The following ADGRB1 variants were observed in gnomAD, a reference collection of about 807,000 sequenced individuals.
ADGRB1 encodes brain-specific angiogenesis inhibitor 1.
Under a neutral mutation model 175.7 loss-of-function variants are expected in ADGRB1, and 36 were observed. The ratio of observed to expected loss-of-function variants is 0.20; its 90% confidence interval spans 0.16 to 0.27. The LOEUF is 0.27. Among genes scored for constraint, ADGRB1 ranks in the 10% least tolerant of loss-of-function variants. ADGRB1 has a pLI of 1.00. For synonymous variants in ADGRB1, 1,054 were observed against 979.4 expected (o/e 1.08, Z -1.42); for missense variants, 1,731 against 2,255.3 (o/e 0.77, Z 4.71).
Position 142,530,940 on chromosome 8 carries a change from G to A in ADGRB1, c.3399-2355G>A, listed in dbSNP as rs189035611. On this transcript the variant is annotated intron_variant, in intron 24 of 30. Transcript: ENST00000517894. The stretch of plus-strand genomic sequence containing the variant: ...CTCTCTGCAGAAATGTTTCCCAGCC[G>A]CAGAGGCTGAGCTGCTGTGTGGGAG... Among the ~76,000 whole-genome samples the A allele has an allele frequency of 2.2e-4, 34 of 152,332 alleles. 1 individual carries two copies. The East Asian group carries it at 4.1e-3, about 18-fold the overall frequency.
At chr8:142,531,564 A>G (rs1201293816) in intron 24 of ADGRB1, among the ~76,000 whole-genome samples, 1 of 152,180 alleles carries the variant, frequency 6.6e-6, no homozygotes, top group East Asian at 1.9e-4. Flanking sequence ...CCATGAGGCT[A>G]TTAGAGCCCA....
intron 1 of ADGRB1, among the ~76,000 whole-genome samples, chr8:142,458,741 G>A (rs1839813606): frequency 6.6e-6 from 1 of 152,246 alleles, no homozygotes; most frequent in African/African-American, 2.4e-5. Flanking sequence ...ACACCAGAAA[G>A]AACTTCCTGA....
intron 15 of ADGRB1, 67 bp from the exon 16 acceptor site, chr8:142,489,269 G>A (rs951499187): frequency 1.9e-6 from 3 of 1,587,720 alleles, no homozygotes; most frequent in Admixed American, 3.3e-5. Flanking sequence ...GGGGGCACCT[G>A]GGGAAGGGCC....
At chr8:142,501,220 TGTG>T (rs775180775) in intron 17 of ADGRB1, among the ~76,000 whole-genome samples, 4 of 152,070 alleles carry the variant, frequency 2.6e-5, no homozygotes, top group Non-Finnish European at 5.9e-5. Flanking sequence ...AGGTGACGGT[TGTG>T]GTGACAGTGG....
chr8:142,493,661 T>C lies in ADGRB1; in HGVS notation c.2675+2846T>C, dbSNP rs1842084402. Among the ~76,000 whole-genome samples the C allele has an allele frequency of 1.3e-5, 2 of 152,232 alleles. No individual in the cohort carries two copies. The highest frequency in any genetic ancestry group is 2.9e-5 in the Non-Finnish European group (2 of 68,038). On this transcript the variant is annotated intron_variant, in intron 17 of 30. Transcript: ENST00000517894. This position sits in a 1 kb window ranked among gnomAD's most constrained non-coding sequence, Gnocchi z 5.0. Reference sequence around the variant, plus strand: ...CAGCCAGGCCACGCTGCACACCTGCTGCCTGTGAGGAGCTGAGGCCCTGAG... The same window carrying C: ...CAGCCAGGCCACGCTGCACACCTGCCGCCTGTGAGGAGCTGAGGCCCTGAG...
At chr8:142,529,812 G>A (rs1449649938) in intron 24 of ADGRB1, among the ~76,000 whole-genome samples, 1 of 151,768 alleles carries the variant, frequency 6.6e-6, no homozygotes, top group Non-Finnish European at 1.5e-5. Context: ...GTGTGCATCT[G>A]TGTGAGTGCA....
intron 18 of ADGRB1, among the ~76,000 whole-genome samples, chr8:142,516,447 CGTGTGTCTGTGCGGGCCCCAGATGT>C (rs1843440249): frequency 8.9e-6 from 1 of 111,752 alleles, no homozygotes; most frequent in African/African-American, 3.5e-5. Context: ...GCCCCAGGTG[CGTGTGTCTGTGCGGGCCCCAGATGT>C]GTGTGTGTGC....
chr8:142,521,208 G>A (rs1843826124), intron 20 of ADGRB1, among the ~76,000 whole-genome samples: 1 of 152,182 alleles, frequency 6.6e-6, no homozygotes, highest in South Asian at 2.1e-4. Context: ...ATCCCGCTGT[G>A]GGCAGTGGAC....
rs778910719 is a variant in ADGRB1 at position 142,520,929 on chromosome 8, G to C, written c.3024+4G>C. 3.1e-6 allele frequency: 5 copies of C among 1,611,008 alleles called. No individual in the cohort carries two copies. The highest frequency in any genetic ancestry group is 3.3e-5 in the Admixed American group (2 of 59,982). On this transcript the variant is annotated splice_donor_region_variant and intron_variant, in intron 20 of 30. Coordinates refer to ENST00000517894, the MANE Select transcript of ADGRB1 (RefSeq NM_001702.3). Reference sequence around the variant, plus strand: ...GCAGACCCAGACCCGCAACAAGGTAGGCAGCCTTGCGTCCTGCCATGCACT... The same window carrying C: ...GCAGACCCAGACCCGCAACAAGGTACGCAGCCTTGCGTCCTGCCATGCACT...
intron 17 of ADGRB1, among the ~76,000 whole-genome samples, chr8:142,500,176 C>T (rs1308967157): frequency 6.6e-6 from 1 of 151,440 alleles, no homozygotes. Context: ...GCAGGCTGGA[C>T]ATTTGTGTTT....
chr8:142,517,724 C>T (rs544767322), intron 18 of ADGRB1, among the ~76,000 whole-genome samples: 2 of 152,198 alleles, frequency 1.3e-5, no homozygotes, highest in Non-Finnish European at 2.9e-5. Flanking sequence ...GCGGCTGCTG[C>T]CCCCGGATTT....
intron 2 of ADGRB1, among the ~76,000 whole-genome samples, chr8:142,470,810 G>A (rs1840620779): frequency 6.6e-6 from 1 of 152,178 alleles, no homozygotes; most frequent in Admixed American, 6.5e-5. Context: ...TGCCTCCAGG[G>A]TGAGTCAGGC....
rs771931839 is a variant in ADGRB1, at chr8:142,489,111, G to A, written c.2528+1G>A. ...TGGGCAGCTTCCTGGCCCTGCAGAG[G>A]TGGGGAGCCCTGGGCAGGTGGGGTG... On this transcript the variant is annotated splice_donor_variant, in intron 15 of 30. Transcript: ENST00000517894. LOFTEE classifies it high-confidence loss of function. The A allele has an allele frequency of 3.7e-6, 6 of 1,604,134 alleles. No individual in the cohort carries two copies. The highest frequency in any genetic ancestry group is 4.2e-6 in the Non-Finnish European group (5 of 1,177,216).
chr8:142,453,144 T>G (rs1474042012), intron 1 of ADGRB1, among the ~76,000 whole-genome samples: 1 of 151,512 alleles, frequency 6.6e-6, no homozygotes, highest in Non-Finnish European at 1.5e-5. Flanking sequence ...GGTCCCCGTG[T>G]GCGGTGCGCT....
intron 1 of ADGRB1, among the ~76,000 whole-genome samples, chr8:142,456,973 C>T (rs934797154): frequency 6.6e-6 from 1 of 152,236 alleles, no homozygotes; most frequent in Non-Finnish European, 1.5e-5. Flanking sequence ...CTCACTCTGG[C>T]CTCAGACCGG....
chr8:142,544,091 C>T, intron 30 of ADGRB1, 129 bp from the exon 31 acceptor site: 1 of 966,166 alleles, frequency 1.0e-6, no homozygotes, highest in Non-Finnish European at 1.5e-6. Flanking sequence ...CTCATCCTGT[C>T]CCCTGTCCCC....
At chr8:142,489,217 G>A (rs1841865056) in intron 15 of ADGRB1, 107 bp downstream of exon 15, 1 of 1,546,216 alleles carries the variant, frequency 6.5e-7, no homozygotes, top group African/African-American at 1.4e-5. Context: ...GAGGAGTGTG[G>A]ATGATGGGCT....
chr8:142,497,996 G>C (rs1177265557), intron 17 of ADGRB1, among the ~76,000 whole-genome samples: 2 of 152,108 alleles, frequency 1.3e-5, no homozygotes, highest in African/African-American at 4.8e-5. Context: ...TCTGGGAATG[G>C]ACCCAGCTCT....
chr8:142,536,276 G>A (rs928329666), intron 25 of ADGRB1, among the ~76,000 whole-genome samples: 1 of 152,080 alleles, frequency 6.6e-6, no homozygotes. Flanking sequence ...GCTGCCCAGA[G>A]CAGCCCACAG....
Sources: gnomAD v4.1 joint callset for allele counts (sites outside exome capture counted in the v4.1 genomes callset) on GRCh38, gnomAD v4.1.1 for gene constraint, Gnocchi (gnomAD v3.1) non-coding constraint, MANE v1.5 for transcripts, NCBI Gene and HGNC (gene_info 2026-07-23, HGNC 2026-07-21) for gene names.